Variants in APOL6 observed in about 807,000 individuals in gnomAD.
APOL6 encodes apolipoprotein L6, also known as apolipoprotein L, 6.
Under a neutral mutation model 2.4 loss-of-function variants are expected in APOL6, and 1 was observed. The ratio of observed to expected loss-of-function variants is 0.41; its 90% CI spans 0.15 to 1.94. APOL6 has a LOEUF of 1.94. Among genes scored for constraint, APOL6 ranks in the 30% most tolerant of loss-of-function variants. The probability of loss-of-function intolerance (pLI) is 0.30; values close to 1 mark genes in which losing one functional copy is unlikely to be tolerated. For missense variants in APOL6, 438 were observed against 429.2 expected (o/e 1.02, Z -0.18); for synonymous variants, 189 against 169.3 (o/e 1.12, Z -0.90).
In APOL6 at chr22:35,658,952, T is replaced by C. The variant is rs1262090030; in HGVS notation, c.388T>C (p.Leu130=). The change falls in exon 3 of 3, where the codon TTG becomes CTG. Residue 130 remains leucine (L), a synonymous_variant. Coordinates refer to ENST00000409652, the MANE Select transcript of APOL6 (RefSeq NM_030641.4). ...AGVTSIVSGT[L]ERSKNKEAQA... is the part of the protein sequence containing the mutation. ...GGTCACCAGCATCGTGAGTGGTACG[T>C]TGGAACGCTCCAAAAATAAAGAAGC... The C allele has an allele frequency of 2.5e-6, 4 of 1,613,724 alleles. No individual in the cohort carries two copies. Among genetic ancestry groups the C allele is most frequent in the Admixed American group, 1.7e-5 (1 of 59,988 alleles).
chr22:35,659,533 T>G lies in APOL6; in HGVS notation c.969T>G (p.His323Gln). 6.2e-7 allele frequency: 1 copy of G among 1,613,938 alleles called. No individual in the cohort carries two copies. Among genetic ancestry groups the G allele is most frequent in the Admixed American group, 1.7e-5 (1 of 59,992 alleles). ...CTTACTGGAAGGAGTTAAGGGAGCA[T>G]GTGTGGATGTGGCTGTGGCTGTGTG... is the stretch of plus-strand genomic sequence containing the variant. ...TEAYWKELRE[H>Q]VWMWLWLCVC... is the part of the protein sequence containing the mutation. The change falls in exon 3 of 3, where the codon CAT (histidine) becomes CAG (glutamine). Residue 323 changes from histidine (H) to glutamine (Q), a missense_variant. His to Gln is a conservative substitution (Grantham distance 24). Transcript: ENST00000409652.
intron 1 of APOL6, among the ~76,000 whole-genome samples, chr22:35,652,879 G>T (rs562569815): frequency 1.6e-4 from 25 of 152,204 alleles, no homozygotes; most frequent in African/African-American, 6.0e-4. Flanking sequence ...TGGCAATGTG[G>T]GCTCTTTTTT....
rs909642087 is a variant in APOL6 at position 35,667,790 on chromosome 22, A to C, written c.*8194A>C. 2.6e-5 allele frequency: 4 copies of C among 151,890 alleles called. No individual in the cohort carries two copies. The highest frequency in any genetic ancestry group is 4.4e-5 in the Non-Finnish European group (3 of 67,954). The allele number at this position is 151,890 out of a possible 1,614,324, so 9.4% of individuals were successfully genotyped here. A position where few individuals can be genotyped will look rare whatever the true frequency, so the allele number is the denominator to read the frequency against. On this transcript the variant is annotated 3_prime_UTR_variant, in exon 3 of 3. Coordinates refer to ENST00000409652, the MANE Select transcript of APOL6 (RefSeq NM_030641.4). ...TGATTAGTGTTTTTGGTGTTGTTTTATTTTTTTTCTTACAGGAACTCTTGC... is the reference window on the plus strand; with the variant it reads ...TGATTAGTGTTTTTGGTGTTGTTTTCTTTTTTTTCTTACAGGAACTCTTGC...
Position 35,659,215 on chromosome 22 carries a change from G to A in APOL6, c.651G>A (p.Gln217=), listed in dbSNP as rs1272307043. The stretch of plus-strand genomic sequence containing the variant: ...AAGTCTCCTCCCGGAGCCGCGTGCA[G>A]GTGCAAAAGGCCTTTGCGGGAACAA... ...TGQVSSRSRV[Q]VQKAFAGTTL... Residue 217 remains glutamine, a synonymous_variant, in exon 3 of 3, where the codon CAG becomes CAA. Transcript: ENST00000409652. The A allele has an allele frequency of 1.2e-6, 2 of 1,614,084 alleles. No homozygotes were observed. The highest frequency in any genetic ancestry group is 3.3e-5 in the Admixed American group (2 of 60,006).
Position 35,658,908 on chromosome 22 carries a change from G to T in APOL6, c.344G>T (p.Gly115Val), listed in dbSNP as rs749166063. 9 of 1,613,912 alleles carry T rather than the reference G, an allele frequency of 5.6e-6. No individual in the cohort carries two copies. Among genetic ancestry groups the T allele is most frequent in the Middle Eastern group, 1.6e-4 (1 of 6,084 alleles). ...GSLLLSTAGQ[G>V]LATAAGVTSI... ...CTGCTGCTCTCCACCGCTGGTCAAG[G>T]TTTGGCAACAGCAGCTGGGGTCACC... The change falls in exon 3 of 3, where the codon GGT becomes GTT. Residue 115 changes from glycine (G) to valine (V), a missense_variant. By Grantham distance (109) the Gly-to-Val change is moderately radical. Coordinates refer to ENST00000409652, the MANE Select transcript of APOL6 (RefSeq NM_030641.4).
Position 35,659,208 on chromosome 22 carries a change from G to C in APOL6, c.644G>C (p.Arg215Pro). The change falls in exon 3 of 3, where the codon CGC (arginine) becomes CCC (proline). Residue 215 changes from arginine (R) to proline (P), a missense_variant. By Grantham distance (103) the Arg-to-Pro change is moderately radical. Coordinates refer to ENST00000409652, the MANE Select transcript of APOL6 (RefSeq NM_030641.4). ...ACTGGCCAAGTCTCCTCCCGGAGCC[G>C]CGTGCAGGTGCAAAAGGCCTTTGCG... ...LTTGQVSSRS[R>P]VQVQKAFAGT... 1 of 1,614,162 alleles carries C rather than the reference G, an allele frequency of 6.2e-7. No homozygotes were observed. Among genetic ancestry groups the C allele is most frequent in the Non-Finnish European group, 8.5e-7 (1 of 1,180,042 alleles).
rs1164956278 is a variant in APOL6 at position 35,668,341 on chromosome 22, T to G, written c.*8745T>G. Reference sequence around the variant, plus strand: ...ACCTGGAGCACATGTTCTCAGGGTCTCCTGAGGGCTGTGTCACAGGCCATG... The same window carrying G: ...ACCTGGAGCACATGTTCTCAGGGTCGCCTGAGGGCTGTGTCACAGGCCATG... On this transcript the variant is annotated 3_prime_UTR_variant, in exon 3 of 3. Coordinates refer to ENST00000409652, the MANE Select transcript of APOL6 (RefSeq NM_030641.4). The G allele has an allele frequency of 6.6e-6, 1 of 152,204 alleles. No individual in the cohort carries two copies. The highest frequency in any genetic ancestry group is 1.5e-5 in the Non-Finnish European group (1 of 68,040). 9.4% of individuals were successfully genotyped at this position (152,204 alleles called of 1,614,324 possible).
intron 2 of APOL6, among the ~76,000 whole-genome samples, chr22:35,657,052 C>T (rs771177624): frequency 1.3e-4 from 20 of 152,202 alleles, no homozygotes; most frequent in Non-Finnish European, 8.8e-5. Context: ...ACATGTGAGA[C>T]GCTTGGTTTA....
chr22:35,659,003 C>T lies in APOL6; in HGVS notation c.439C>T (p.Pro147Ser), dbSNP rs1212652918. ...CCAAGCACGGGCGGAAGACATACTG[C>T]CCACCTACGACCAAGAGGACAGGGA... Reference protein sequence around the residue: ...EAQARAEDILPTYDQEDREDE... With the variant: ...EAQARAEDILSTYDQEDREDE... The change falls in exon 3 of 3, where the codon CCC becomes TCC. Residue 147 changes from proline to serine, a missense_variant. Coordinates refer to ENST00000409652, the MANE Select transcript of APOL6 (RefSeq NM_030641.4). The T allele has an allele frequency of 6.2e-7, 1 of 1,613,738 alleles. No individual in the cohort carries two copies. The highest frequency in any genetic ancestry group is 8.5e-7 in the Non-Finnish European group (1 of 1,180,034).
Position 35,658,832 on chromosome 22 carries a change from G to A in APOL6, c.268G>A (p.Val90Met). The change falls in exon 3 of 3, where the codon GTG becomes ATG. Residue 90 changes from valine to methionine, a missense_variant. By Grantham distance (21) the Val-to-Met change is conservative (BLOSUM62 1). Coordinates refer to ENST00000409652, the MANE Select transcript of APOL6 (RefSeq NM_030641.4). The stretch of plus-strand genomic sequence containing the variant: ...CACCTCTACTGCTGTCATCTCTGGA[G>A]TGATGAGCCTCCTGGGTTTAGCCCT... ...VATSTAVISG[V>M]MSLLGLALAP... 1.2e-6 allele frequency: 2 copies of A among 1,614,216 alleles called. No individual in the cohort carries two copies. Among genetic ancestry groups the A allele is most frequent in the Non-Finnish European group, 1.7e-6 (2 of 1,180,040 alleles).
rs1308433437 is a variant in APOL6, at chr22:35,656,399, G to A, written c.-27G>A. The A allele has an allele frequency of 3.1e-6, 5 of 1,613,994 alleles. No individual in the cohort carries two copies. In the African/African-American group the frequency reaches 4.0e-5, roughly 13 times the overall value. On this transcript the variant is annotated 5_prime_UTR_variant, in exon 2 of 3. Transcript: ENST00000409652. ...ACCAGAAAATCATTTGACTCCTGGG[G>A]ACACAGATTTGCTGCCACAGAGGCT...
chr22:35,656,266 T>C, intron 1 of APOL6, 113 bp from the exon 2 acceptor site: 2 of 762,956 alleles, frequency 2.6e-6, no homozygotes, highest in Non-Finnish European at 4.5e-6. Context: ...AAATATTTAG[T>C]ATGCTATGTG....
rs925095502 is a variant in APOL6 at position 35,667,183 on chromosome 22, T to C, written c.*7587T>C. On this transcript the variant is annotated 3_prime_UTR_variant, in exon 3 of 3. Transcript: ENST00000409652. The stretch of plus-strand genomic sequence containing the variant: ...TCTGACCTGTAGTAAGTAAAGAATG[T>C]CACTTTCTGACAGGCACATAAGCCC... 2 of 152,214 alleles carry C rather than the reference T, an allele frequency of 1.3e-5. No homozygotes were observed. The highest frequency in any genetic ancestry group is 4.8e-5 in the African/African-American group (2 of 41,456). 9.4% of individuals were successfully genotyped at this position (152,214 alleles called of 1,614,324 possible).
Position 35,666,666 on chromosome 22 carries a change from G to T in APOL6, c.*7070G>T, listed in dbSNP as rs1292511248. ...CAGGTTTCTGATAACTTTGGAGATT[G>T]TGACATCAGAATAGAGGGAAAAGTT... is the stretch of plus-strand genomic sequence containing the variant. On this transcript the variant is annotated 3_prime_UTR_variant, in exon 3 of 3. Transcript: ENST00000409652. 3.9e-5 allele frequency: 6 copies of T among 152,262 alleles called. No homozygotes were observed. 9.4% of individuals were successfully genotyped at this position (152,262 alleles called of 1,614,324 possible).
Position 35,649,437 on chromosome 22 carries a change from C to CAA in APOL6, c.-48+830_-48+831dup, listed in dbSNP as rs11456006. ...TGGGCAACAGAGTGAGACCCGGTCT[C>CAA]AAAAAAAAAAAAAAAAATCTAGGGA... On this transcript the variant is annotated intron_variant, in intron 1 of 2. Coordinates refer to ENST00000409652, the MANE Select transcript of APOL6 (RefSeq NM_030641.4). Among the ~76,000 whole-genome samples, 771 of 86,552 alleles carry CAA rather than the reference C, an allele frequency of 8.9e-3. 4 individuals carry two copies. Among genetic ancestry groups the CAA allele is most frequent in the African/African-American group, 0.028 (703 of 24,970 alleles). The allele number at this position is 86,552 out of a possible 152,430, so 56.8% of individuals were successfully genotyped here.
rs888266467 is a variant in APOL6, at chr22:35,667,144, C to A, written c.*7548C>A. 6.6e-6 allele frequency: 1 copy of A among 152,194 alleles called. No individual in the cohort carries two copies. The highest frequency in any genetic ancestry group is 1.5e-5 in the Non-Finnish European group (1 of 68,048). 9.4% of individuals were successfully genotyped at this position (152,194 alleles called of 1,614,324 possible). On this transcript the variant is annotated 3_prime_UTR_variant, in exon 3 of 3. Coordinates refer to ENST00000409652, the MANE Select transcript of APOL6 (RefSeq NM_030641.4). ...TGGCCCCATATTTTGTGTACACAGT[C>A]TCCGTACAAGATTTCTGACCTGTAG... is the stretch of plus-strand genomic sequence containing the variant.
Position 35,658,732 on chromosome 22 carries a change from C to T in APOL6, c.168C>T (p.Asn56=), listed in dbSNP as rs1386830303. 3.7e-6 allele frequency: 6 copies of T among 1,614,052 alleles called. No individual in the cohort carries two copies. In the African/African-American group the frequency reaches 4.0e-5, roughly 11 times the overall value. Residue 56 remains asparagine (N), a synonymous_variant, in exon 3 of 3, where the codon AAC becomes AAT. Transcript: ENST00000409652. ...GATTGAAAGAAGATCTGAAAGGGAA[C>T]ATTGACAAGCTCCGTGCCCTCGCAG... ...FPRLKEDLKG[N]IDKLRALADD... is the part of the protein sequence containing the mutation.
intron 1 of APOL6, among the ~76,000 whole-genome samples, chr22:35,654,510 T>C (rs1924788570): frequency 6.6e-6 from 1 of 150,994 alleles, no homozygotes; most frequent in Non-Finnish European, 1.5e-5. Flanking sequence ...GTGCCAGAAA[T>C]GGGGATAAGA....
In APOL6 at chr22:35,661,685, C is replaced by T. The variant is rs538791855; in HGVS notation, c.*2089C>T. The T allele has an allele frequency of 6.6e-6, 1 of 152,192 alleles. No individual in the cohort carries two copies. Among genetic ancestry groups the T allele is most frequent in the Non-Finnish European group, 1.5e-5 (1 of 68,036 alleles). 9.4% of individuals were successfully genotyped at this position (152,192 alleles called of 1,614,324 possible). On this transcript the variant is annotated 3_prime_UTR_variant, in exon 3 of 3. Transcript: ENST00000409652. ...ATGGCATAAAAGATAAGAATTGGCT[C>T]TCCTGTACAGGGCACTTACTACGAA... is the stretch of plus-strand genomic sequence containing the variant.
Sources: allele counts gnomAD v4.1 joint callset (sites outside exome capture counted in the v4.1 genomes callset), GRCh38; gene constraint gnomAD v4.1.1; transcripts MANE v1.5; gene names NCBI Gene and HGNC (gene_info 2026-07-23, HGNC 2026-07-21).